Variants in GLCCI1 observed in about 807,000 individuals in gnomAD.
GLCCI1 encodes the protein glucocorticoid-induced transcript 1 protein.
Under a neutral mutation model 52.2 loss-of-function variants are expected in GLCCI1, and 24 were observed. The observed-to-expected ratio is 0.46, with a 90% CI of 0.33 to 0.65. GLCCI1 has a LOEUF of 0.65. Ranked by LOEUF, GLCCI1 falls within the 30% of genes least tolerant of loss-of-function variation. The pLI is 0.02. For missense variants in GLCCI1, 704 were observed against 701.5 expected (o/e 1.00, Z -0.04); for synonymous variants, 310 against 276.5 (o/e 1.12, Z -1.20).
At chr7:8,008,561 T>C (rs971368837) in intron 2 of GLCCI1, among the ~76,000 whole-genome samples, 8 of 152,124 alleles carry the variant, frequency 5.3e-5, no homozygotes, top group African/African-American at 1.9e-4. Flanking sequence ...TCCCAGAGTG[T>C]TGGGATTACA....
At chr7:8,080,841 GT>G (rs199681673) in intron 6 of GLCCI1, among the ~76,000 whole-genome samples, 101 of 128,230 alleles carry the variant, frequency 7.9e-4, no homozygotes, top group Non-Finnish European at 9.0e-4. Flanking sequence ...TGGTTTTGGG[GT>G]TTTTTTTTTT....
At chr7:7,974,970 A>C (rs1780434261) in intron 1 of GLCCI1, among the ~76,000 whole-genome samples, 2 of 152,192 alleles carry the variant, frequency 1.3e-5, no homozygotes, top group African/African-American at 4.8e-5. Flanking sequence ...TATTTTAACG[A>C]GAGGTTGAAA....
chr7:8,046,724 A>C (rs1291264218), intron 3 of GLCCI1, among the ~76,000 whole-genome samples: 1 of 152,174 alleles, frequency 6.6e-6, no homozygotes, highest in East Asian at 1.9e-4. Flanking sequence ...TGTCTCCATA[A>C]AATGTATAAA....
chr7:8,061,651 T>A (rs1782517425), intron 5 of GLCCI1, among the ~76,000 whole-genome samples: 1 of 140,676 alleles, frequency 7.1e-6, no homozygotes, highest in Non-Finnish European at 1.5e-5. Flanking sequence ...TGTTTACCAT[T>A]GAACTCTTTT....
rs1272806044 is a variant in GLCCI1 at position 7,969,218 on chromosome 7, C to T, written c.-133C>T. On this transcript the variant is annotated 5_prime_UTR_variant, in exon 1 of 8. Transcript: ENST00000223145. The surrounding 1 kb of genome is among the most constrained non-coding windows in gnomAD (Gnocchi z 4.9). Reference sequence around the variant, plus strand: ...GGGGAGGGGGAGCCCCGAGACTCCTCCCCCACAGCGATACCCCCGCCCCTC... The same window carrying T: ...GGGGAGGGGGAGCCCCGAGACTCCTTCCCCACAGCGATACCCCCGCCCCTC... 2.1e-6 allele frequency: 1 copy of T among 483,012 alleles called. No individual in the cohort carries two copies. The allele number at this position is 483,012 out of a possible 1,614,324, so 29.9% of individuals were successfully genotyped here. A position where few individuals can be genotyped will look rare whatever the true frequency, so the allele number is the denominator to read the frequency against.
chr7:8,053,323 T>TTTTG (rs1554262341), intron 3 of GLCCI1, among the ~76,000 whole-genome samples: 4,194 of 136,072 alleles, frequency 0.031, 199 homozygotes, highest in African/African-American at 0.11. Flanking sequence ...TCGTTTTTTT[T>TTTTG]TTTGTTTGTT....
intron 1 of GLCCI1, among the ~76,000 whole-genome samples, chr7:7,972,381 C>T (rs1485235463): frequency 6.6e-6 from 1 of 152,022 alleles, no homozygotes; most frequent in African/African-American, 2.4e-5. Context: ...TGAAACTACA[C>T]TTGAAAGCAT....
chr7:8,083,232 G>A (rs938263650), intron 6 of GLCCI1, among the ~76,000 whole-genome samples: 1 of 152,106 alleles, frequency 6.6e-6, no homozygotes, highest in Admixed American at 6.5e-5. Context: ...AGAATGGGAT[G>A]TCCATCCTCC....
At chr7:8,022,772 T>G (rs1315191196) in intron 3 of GLCCI1, 4 of 262,318 alleles carry the variant, frequency 1.5e-5, no homozygotes, top group Admixed American at 5.3e-5. Context: ...GTAGGCTGCA[T>G]TCTACATTTT....
intron 1 of GLCCI1, among the ~76,000 whole-genome samples, chr7:7,980,037 C>G (rs1023287832): frequency 6.6e-6 from 1 of 152,174 alleles, no homozygotes; most frequent in Non-Finnish European, 1.5e-5. Flanking sequence ...CTGCCTCAGC[C>G]TCCCAAATAG....
chr7:8,048,593 T>C (rs1294363191), intron 3 of GLCCI1, among the ~76,000 whole-genome samples: 5 of 152,198 alleles, frequency 3.3e-5, no homozygotes, highest in Non-Finnish European at 7.3e-5. Context: ...TTAAAACTCC[T>C]CTCTTTTCAT....
rs574821268 is a variant in GLCCI1, at chr7:8,060,043, C to G, written c.814-53C>G. 4.8e-6 allele frequency: 7 copies of G among 1,468,936 alleles called. No homozygotes were observed. In the African/African-American group the frequency reaches 1.0e-4, roughly 21 times the overall value. The allele number at this position is 1,468,936 out of a possible 1,614,324, so 91.0% of individuals were successfully genotyped here. ...TTAATATTTACCATACTCTTTAGTT[C>G]TTGATTGCTTTGACCACAAATAATT... is the stretch of plus-strand genomic sequence containing the variant. On this transcript the variant is annotated intron_variant, in intron 4 of 7. Transcript: ENST00000223145.
At chr7:8,010,505 A>T (rs1781242856) in intron 2 of GLCCI1, among the ~76,000 whole-genome samples, 1 of 152,182 alleles carries the variant, frequency 6.6e-6, no homozygotes, top group Non-Finnish European at 1.5e-5. Context: ...TCTTGCAGGG[A>T]TGCTTAGTGA....
At chr7:8,016,196 G>A (rs190990051) in intron 2 of GLCCI1, among the ~76,000 whole-genome samples, 4 of 152,334 alleles carry the variant, frequency 2.6e-5, no homozygotes, top group African/African-American at 4.8e-5. Flanking sequence ...TCGCCCGGGC[G>A]CGGTGGCTTA....
At chr7:8,028,832 C>G (rs1781684662) in intron 3 of GLCCI1, among the ~76,000 whole-genome samples, 1 of 152,004 alleles carries the variant, frequency 6.6e-6, no homozygotes, top group South Asian at 2.1e-4. Context: ...CAACTATATG[C>G]CAATAAATTG....
chr7:8,009,031 G>A (rs944497972), intron 2 of GLCCI1, among the ~76,000 whole-genome samples: 3 of 152,074 alleles, frequency 2.0e-5, no homozygotes, highest in African/African-American at 7.2e-5. Context: ...AGTAATACCC[G>A]ATTTGCACAT....
In GLCCI1 at chr7:7,969,167, T is replaced by A; in HGVS notation, c.-184T>A. 1.6e-5 allele frequency: 7 copies of A among 448,506 alleles called. No homozygotes were observed. The highest frequency in any genetic ancestry group is 8.0e-5 in the East Asian group (1 of 12,502). The allele number at this position is 448,506 out of a possible 1,614,324, so 27.8% of individuals were successfully genotyped here. On this transcript the variant is annotated 5_prime_UTR_variant, in exon 1 of 8. Transcript: ENST00000223145. This position sits in a 1 kb window ranked among gnomAD's most constrained non-coding sequence, Gnocchi z 4.9. ...GTTTTCGCAGCCTTCCCCTCCCCCC[T>A]CGCCGAGGCGGCGGGGGTGTGCGTT...
At chr7:7,985,808 G>A (rs950899285) in intron 1 of GLCCI1, among the ~76,000 whole-genome samples, 3 of 152,176 alleles carry the variant, frequency 2.0e-5, no homozygotes, top group African/African-American at 7.2e-5. Context: ...CCTGTTATCT[G>A]CAGTTTAATT....
intron 6 of GLCCI1, chr7:8,084,594 T>G (rs1783062862): frequency 4.6e-6 from 1 of 217,466 alleles, no homozygotes; most frequent in Non-Finnish European, 9.1e-6. Context: ...TCATTTGCAT[T>G]CTTGAAATAC....
Sources: gnomAD v4.1 joint callset for allele counts (sites outside exome capture counted in the v4.1 genomes callset) on GRCh38, gnomAD v4.1.1 for gene constraint, Gnocchi (gnomAD v3.1) non-coding constraint, MANE v1.5 for transcripts, NCBI Gene and HGNC (gene_info 2026-07-23, HGNC 2026-07-21) for gene names.